RPGR: variants seen among roughly 807,000 people sequenced by gnomAD.
RPGR encodes retinitis pigmentosa GTPase regulator.
Under a neutral mutation model 56.3 loss-of-function variants are expected in RPGR, and 10 were observed. The observed-to-expected ratio is 0.18, with a 90% CI of 0.11 to 0.30. The LOEUF (loss-of-function observed/expected upper bound fraction) is 0.30. Ranked by LOEUF, RPGR falls within the 10% of genes least tolerant of loss-of-function variation. RPGR has a pLI of 1.00. For missense variants in RPGR, 538 were observed against 590.9 expected (o/e 0.91, Z 0.93); for synonymous variants, 197 against 212.9 (o/e 0.93, Z 0.65).
At chrX:38,273,559 AC>A in intron 17 of RPGR, 5 of 730,132 alleles carry the variant, frequency 6.8e-6, no homozygotes, top group Middle Eastern at 3.0e-4. Context: ...AACTCTATGA[AC>A]CCTGAGTTGT....
intron 15 of RPGR, among the ~76,000 whole-genome samples, chrX:38,283,794 G>A (rs982688755): frequency 4.3e-4 from 48 of 111,795 alleles, no homozygotes; most frequent in Non-Finnish European, 7.9e-4. Flanking sequence ...TTAATAACTT[G>A]AGTTTAAGAG....
intron 8 of RPGR, among the ~76,000 whole-genome samples, chrX:38,303,174 C>T (rs1178987306): frequency 9.0e-6 from 1 of 110,970 alleles, no homozygotes; most frequent in Non-Finnish European, 1.9e-5. Flanking sequence ...TTGTCTTTTG[C>T]CTGAAAATAT....
chrX:38,299,752 C>T (rs1229591717), intron 9 of RPGR, among the ~76,000 whole-genome samples: 1 of 109,388 alleles, frequency 9.1e-6, no homozygotes, highest in Non-Finnish European at 1.9e-5. Context: ...AAAAAAAACC[C>T]ATAGTGCAGT....
At chrX:38,283,623 G>T (rs1040951904) in intron 15 of RPGR, among the ~76,000 whole-genome samples, 1 of 112,051 alleles carries the variant, frequency 8.9e-6, no homozygotes, top group African/African-American at 3.2e-5. Context: ...CACTTCTAAA[G>T]AGCACAAAAT....
intron 11 of RPGR, among the ~76,000 whole-genome samples, chrX:38,292,176 G>C (rs1481547948): frequency 8.9e-6 from 1 of 111,886 alleles, no homozygotes. Context: ...CTGACAGTGT[G>C]ACTGCAACCC....
intron 18 of RPGR, chrX:38,273,318 T>C: frequency 2.4e-6 from 2 of 850,481 alleles, no homozygotes; most frequent in Non-Finnish European, 3.4e-6. Flanking sequence ...TTATGTGGAT[T>C]GCCATATGAA....
intron 18 of RPGR, chrX:38,272,575 A>G (rs976748323): frequency 9.5e-6 from 1 of 105,373 alleles, no homozygotes; most frequent in African/African-American, 3.5e-5. Context: ...CTGGGCAACA[A>G]GAGCGAAACT....
chrX:38,325,440 A>T (rs1444178653), intron 1 of RPGR, among the ~76,000 whole-genome samples: 1 of 111,683 alleles, frequency 9.0e-6, no homozygotes, highest in African/African-American at 3.3e-5. Flanking sequence ...ATAACTTTCA[A>T]CATTGTTAAT....
intron 11 of RPGR, among the ~76,000 whole-genome samples, chrX:38,292,345 C>A (rs761119444): frequency 8.9e-6 from 1 of 112,645 alleles, no homozygotes; most frequent in South Asian, 3.6e-4. Flanking sequence ...GCACCTAGAA[C>A]CTTTCACAGA....
chrX:38,289,482 T>C (rs1001192841), intron 13 of RPGR, among the ~76,000 whole-genome samples: 1 of 112,304 alleles, frequency 8.9e-6, no homozygotes, highest in African/African-American at 3.2e-5. Context: ...TTGATCTAAA[T>C]TCTACAAACA....
intron 13 of RPGR, among the ~76,000 whole-genome samples, chrX:38,290,425 GTC>G (rs1457277747): frequency 9.0e-6 from 1 of 111,664 alleles, no homozygotes; most frequent in East Asian, 2.8e-4. Context: ...CCCATGAACA[GTC>G]TCTAATTTCC....
chrX:38,288,533 C>T (rs1161024121), intron 13 of RPGR, among the ~76,000 whole-genome samples: 3 of 110,525 alleles, frequency 2.7e-5, no homozygotes, highest in Non-Finnish European at 3.8e-5. Flanking sequence ...GGTGAAAACC[C>T]GTCTCTACTA....
At chrX:38,310,045 C>T (rs968639372) in intron 7 of RPGR, among the ~76,000 whole-genome samples, 6 of 110,451 alleles carry the variant, frequency 5.4e-5, no homozygotes, top group Non-Finnish European at 1.1e-4. Context: ...GTGGGACAAT[C>T]ACAGCTCACC....
At chrX:38,291,693 A>C (rs1030675369) in intron 11 of RPGR, among the ~76,000 whole-genome samples, 2 of 112,435 alleles carry the variant, frequency 1.8e-5, no homozygotes, top group African/African-American at 6.5e-5. Flanking sequence ...CATTGACACC[A>C]ATTAGATTAC....
At chrX:38,321,465 C>A (rs2067938944) in intron 3 of RPGR, among the ~76,000 whole-genome samples, 1 of 110,933 alleles carries the variant, frequency 9.0e-6, no homozygotes, top group Admixed American at 9.6e-5. Flanking sequence ...CCAACCTGGG[C>A]AACATGGTGA....
At chrX:38,285,521 G>A (rs766759865) in intron 15 of RPGR, 15 of 1,210,008 alleles carry the variant, frequency 1.2e-5, no homozygotes, top group Non-Finnish European at 1.6e-5. Flanking sequence ...GGCCATAATC[G>A]GGTCACATTT....
rs981846221 is a variant in RPGR at position 38,298,226 on chromosome X, C to T, written c.1245+730G>A. On this transcript the variant is annotated intron_variant, in intron 10 of 18. Coordinates refer to ENST00000642395, the MANE Select transcript of RPGR (RefSeq NM_000328.3). ...TGGAGGTTGCAGTGAGCCAAGATTG[C>T]GCCACTGCACCCCAGCCTGGGCAAC... 7.5e-5 allele frequency: 16 copies of T among 213,076 alleles called. No individual in the cohort carries two copies. The East Asian group carries it at 2.2e-3, about 29-fold the overall frequency. 17.6% of individuals were successfully genotyped at this position (213,076 alleles called of 1,213,427 possible).
chrX:38,289,698 T>C (rs1601929484), intron 13 of RPGR, among the ~76,000 whole-genome samples: 1 of 112,662 alleles, frequency 8.9e-6, no homozygotes, highest in East Asian at 2.8e-4. Context: ...AAAGTAGGCC[T>C]GGTAGGGCCT....
chrX:38,315,366 T>C (rs1337361021), intron 6 of RPGR, among the ~76,000 whole-genome samples: 3 of 111,393 alleles, frequency 2.7e-5, no homozygotes, highest in African/African-American at 9.8e-5. Flanking sequence ...TTATGCACAA[T>C]AGAGTACTAT....
Sources: gnomAD v4.1 joint callset for allele counts (sites outside exome capture counted in the v4.1 genomes callset) on GRCh38, gnomAD v4.1.1 for gene constraint, MANE v1.5 for transcripts, NCBI Gene and HGNC (gene_info 2026-07-23, HGNC 2026-07-21) for gene names.